Variants in PLEKHG4B observed in about 807,000 individuals in gnomAD.
PLEKHG4B encodes the protein pleckstrin homology and RhoGEF domain containing G4B, also known as pleckstrin homology domain-containing family G member 4B.
PLEKHG4B carries 111 observed loss-of-function variants against 121.3 expected under a neutral mutation model. The observed-to-expected ratio is 0.92, with a 90% CI of 0.78 to 1.07. The LOEUF (loss-of-function observed/expected upper bound fraction) is 1.07. PLEKHG4B is among the 50% of genes least tolerant of loss of function. PLEKHG4B has a pLI of 0.00. For synonymous variants in PLEKHG4B, 738 were observed against 725.0 expected, an observed-to-expected ratio of 1.02 and a Z score of -0.29; for missense variants, 1,831 against 1,757.8, an observed-to-expected ratio of 1.04 and a Z score of -0.74.
chr5:101,602 GCC>G, intron 1 of PLEKHG4B, among the ~76,000 whole-genome samples: 4 of 130,986 alleles, frequency 3.1e-5, no homozygotes, highest in African/African-American at 1.4e-4. Context: ...TCCATATAAA[GCC>G]CTGGGAAAAG....
At chr5:162,264 AG>A in intron 12 of PLEKHG4B, among the ~76,000 whole-genome samples, 1 of 70,632 alleles carries the variant, frequency 1.4e-5, no homozygotes, top group Admixed American at 1.4e-4. Context: ...CTCGCCTGCG[AG>A]CTCCCACGCG....
rs1735906010 is a variant in PLEKHG4B at position 159,156 on chromosome 5, G to A, written c.2487+2245G>A. 6.6e-6 allele frequency among the ~76,000 whole-genome samples: 1 copy of A among 152,038 alleles called. No homozygotes were observed. The highest frequency in any genetic ancestry group is 1.5e-5 in the Non-Finnish European group (1 of 68,010). ...GCCCAGGTGCGCTGAGGGCAGGTGT[G>A]CCCGAGGGTCACCCAGGTGCACTGA... On this transcript the variant is annotated intron_variant, in intron 11 of 19. Coordinates refer to ENST00000637938, the MANE Select transcript of PLEKHG4B (RefSeq NM_052909.5). This position sits in a 1 kb window ranked among gnomAD's most constrained non-coding sequence, Gnocchi z 5.5.
Position 162,704 on chromosome 5 carries a change from GC to G in PLEKHG4B, c.2650-15del. Reference sequence around the variant, plus strand: ...CCCCTCCTCCACTGCACTGAGCAGAGCCCTCCTTGTCCCACAGGTGAGCAGC... The same window carrying G: ...CCCCTCCTCCACTGCACTGAGCAGAGCCTCCTTGTCCCACAGGTGAGCAGC... On this transcript the variant is annotated splice_polypyrimidine_tract_variant and intron_variant, in intron 12 of 19. Transcript: ENST00000637938. The G allele has an allele frequency of 1.4e-6, 2 of 1,440,292 alleles. No individual in the cohort carries two copies. Among genetic ancestry groups the G allele is most frequent in the Non-Finnish European group, 1.8e-6 (2 of 1,094,558 alleles). 89.2% of individuals were successfully genotyped at this position (1,440,292 alleles called of 1,614,324 possible).
At chr5:109,008 C>T (rs901502688) in intron 1 of PLEKHG4B, among the ~76,000 whole-genome samples, 3 of 152,182 alleles carry the variant, frequency 2.0e-5, no homozygotes, top group Non-Finnish European at 4.4e-5. Context: ...GTGGGTTTCA[C>T]ACCTGGCTTT....
At chr5:95,669 T>A (rs1462093972) in intron 1 of PLEKHG4B, among the ~76,000 whole-genome samples, 1 of 152,218 alleles carries the variant, frequency 6.6e-6, no homozygotes, top group Non-Finnish European at 1.5e-5. Context: ...GGACTCTCCT[T>A]CCGGGCTTGC....
At chr5:100,411 G>T (rs1369356560) in intron 1 of PLEKHG4B, among the ~76,000 whole-genome samples, 34 of 149,234 alleles carry the variant, frequency 2.3e-4, no homozygotes, top group African/African-American at 8.5e-4. Flanking sequence ...GTAGGGGAGA[G>T]ACTGTTGTGA....
intron 1 of PLEKHG4B, among the ~76,000 whole-genome samples, chr5:110,020 A>G (rs1370381148): frequency 6.6e-6 from 1 of 151,454 alleles, no homozygotes; most frequent in Non-Finnish European, 1.5e-5. Flanking sequence ...TCTGTAACAC[A>G]CGTGCACACA....
At chr5:134,756 ACT>A (rs1292004249) in intron 2 of PLEKHG4B, among the ~76,000 whole-genome samples, 4 of 143,730 alleles carry the variant, frequency 2.8e-5, no homozygotes, top group African/African-American at 1.1e-4. Flanking sequence ...ACAGAGTGAG[ACT>A]CTGTCTCAAA....
chr5:179,585 G>C (rs1736868043), intron 18 of PLEKHG4B: 1 of 152,666 alleles, frequency 6.6e-6, no homozygotes, highest in Non-Finnish European at 1.5e-5. Flanking sequence ...AGAGAGACCT[G>C]GGCAGCCACC....
chr5:179,091 C>T (rs1403707077), intron 18 of PLEKHG4B, among the ~76,000 whole-genome samples: 1 of 152,174 alleles, frequency 6.6e-6, no homozygotes, highest in Non-Finnish European at 1.5e-5. Context: ...ATAGCTATTC[C>T]AGTTTCCTTT....
In PLEKHG4B at chr5:143,482, T is replaced by C. The variant is rs1560925922; in HGVS notation, c.1790T>C (p.Leu597Pro). Residue 597 changes from leucine to proline, a missense_variant, in exon 5 of 20, where the codon CTG (leucine) becomes CCG (proline). Physicochemically the swap from Leu to Pro is moderately conservative, Grantham distance 98. Coordinates refer to ENST00000637938, the MANE Select transcript of PLEKHG4B (RefSeq NM_052909.5). Reference sequence around the variant, plus strand: ...TGTGCTGAGCTGACCCGCCTGCTGCTGTACTTCCATAGCATCCCCAGGTGG... The same window carrying C: ...TGTGCTGAGCTGACCCGCCTGCTGCCGTACTTCCATAGCATCCCCAGGTGG... ...SSCAELTRLLLYFHSIPRKEV... is the reference protein window; with the variant it reads ...SSCAELTRLLPYFHSIPRKEV... The C allele has an allele frequency of 1.2e-6, 2 of 1,612,858 alleles. No individual in the cohort carries two copies. The highest frequency in any genetic ancestry group is 1.7e-6 in the Non-Finnish European group (2 of 1,179,982).
chr5:176,878 G>A (rs1440900852), intron 18 of PLEKHG4B, among the ~76,000 whole-genome samples: 5 of 152,208 alleles, frequency 3.3e-5, no homozygotes, highest in African/African-American at 1.2e-4. Context: ...TGGGCCTGGG[G>A]CTGTGGGGCC....
intron 2 of PLEKHG4B, among the ~76,000 whole-genome samples, chr5:127,340 T>TTTATTTA (rs1553983980): frequency 8.1e-5 from 11 of 135,562 alleles, no homozygotes; most frequent in African/African-American, 3.0e-4. Flanking sequence ...ATTGTTGGTT[T>TTTATTTA]TTATTATTAT....
At chr5:153,888 G>A (rs1735680622) in intron 7 of PLEKHG4B, among the ~76,000 whole-genome samples, 3 of 152,126 alleles carry the variant, frequency 2.0e-5, no homozygotes, top group Admixed American at 6.5e-5. Context: ...TGGGGGTTTT[G>A]TCCTATTGCA....
At chr5:111,648 T>C (rs1466753172) in intron 1 of PLEKHG4B, among the ~76,000 whole-genome samples, 1 of 152,016 alleles carries the variant, frequency 6.6e-6, no homozygotes, top group Non-Finnish European at 1.5e-5. Flanking sequence ...AGAATACGTC[T>C]CTCCCGGGGA....
In PLEKHG4B at chr5:163,507, G is replaced by T; in HGVS notation, c.3435G>T (p.Gly1145=). The change falls in exon 13 of 20, where the codon GGG becomes GGT. Residue 1145 remains glycine, a synonymous_variant. Transcript: ENST00000637938. ...TQSRSLSSPS[G]LHPAEEDGRQ... is the part of the protein sequence containing the mutation. The stretch of plus-strand genomic sequence containing the variant: ...GCCGGAGTCTGTCCTCCCCCTCGGG[G>T]CTCCACCCTGCTGAGGAGGATGGGA... The T allele has an allele frequency of 1.9e-6, 3 of 1,610,826 alleles. No individual in the cohort carries two copies. The highest frequency in any genetic ancestry group is 2.5e-6 in the Non-Finnish European group (3 of 1,179,218).
intron 16 of PLEKHG4B, among the ~76,000 whole-genome samples, chr5:172,506 G>A (rs555063557): frequency 9.8e-5 from 15 of 152,304 alleles, no homozygotes; most frequent in African/African-American, 3.6e-4. Flanking sequence ...GGACGCGAGG[G>A]CTTTGAAGAA....
chr5:117,904 A>G (rs1579251819), intron 2 of PLEKHG4B, among the ~76,000 whole-genome samples: 2 of 152,312 alleles, frequency 1.3e-5, no homozygotes, highest in East Asian at 1.9e-4. Flanking sequence ...TAGAAACAGG[A>G]TATTTCCATA....
rs564965115 is a variant in PLEKHG4B at position 138,974 on chromosome 5, C to T, written c.244-509C>T. 2.6e-5 allele frequency among the ~76,000 whole-genome samples: 4 copies of T among 152,382 alleles called. No homozygotes were observed. The East Asian group carries it at 7.7e-4, about 29-fold the overall frequency. On this transcript the variant is annotated intron_variant, in intron 2 of 19. Transcript: ENST00000637938. ...AGAGAAAATACTGAAGTGAAATTCA[C>T]CAGCATCCTGGCACCCGCACCCCTC...
Sources: allele counts gnomAD v4.1 joint callset (sites outside exome capture counted in the v4.1 genomes callset), GRCh38; gene constraint gnomAD v4.1.1; non-coding constraint Gnocchi (gnomAD v3.1); transcripts MANE v1.5; gene names NCBI Gene and HGNC (gene_info 2026-07-23, HGNC 2026-07-21).